The following PLPPR1 variants were observed in gnomAD, a reference collection of about 807,000 sequenced individuals.
PLPPR1 encodes phospholipid phosphatase-related protein type 1.
PLPPR1 carries 10 observed loss-of-function variants against 33.1 expected under a neutral mutation model. The ratio of observed to expected loss-of-function variants is 0.30; its 90% confidence interval spans 0.19 to 0.51. PLPPR1 has a LOEUF of 0.51. Ranked by LOEUF, PLPPR1 falls within the 20% of genes least tolerant of loss-of-function variation. The probability of loss-of-function intolerance (pLI) is 0.97; values close to 1 mark genes in which losing one functional copy is unlikely to be tolerated. For synonymous variants in PLPPR1, 151 were observed against 151.0 expected, an observed-to-expected ratio of 1.00 and a Z score of 0.00; for missense variants, 304 against 408.1, an observed-to-expected ratio of 0.74 and a Z score of 2.20.
chr9:101,213,231 A>G (rs1431645690), intron 2 of PLPPR1, among the ~76,000 whole-genome samples: 1 of 152,204 alleles, frequency 6.6e-6, no homozygotes, highest in Non-Finnish European at 1.5e-5. Flanking sequence ...ATAATAGTTT[A>G]GCCATTTTTA....
At chr9:101,213,932 T>G (rs1042740889) in intron 2 of PLPPR1, among the ~76,000 whole-genome samples, 1 of 152,226 alleles carries the variant, frequency 6.6e-6, no homozygotes, top group African/African-American at 2.4e-5. Context: ...AATGCAAACT[T>G]CTATGACTCC....
At chr9:101,278,506 G>A (rs150462364) in intron 3 of PLPPR1, among the ~76,000 whole-genome samples, 28 of 152,252 alleles carry the variant, frequency 1.8e-4, no homozygotes, top group African/African-American at 5.3e-4. Context: ...ATGGTAGAAA[G>A]GAGAATTTTA....
intron 2 of PLPPR1, among the ~76,000 whole-genome samples, chr9:101,256,465 A>G (rs1482707240): frequency 2.0e-5 from 3 of 152,016 alleles, no homozygotes; most frequent in Non-Finnish European, 2.9e-5. Flanking sequence ...TCCAAGCCAT[A>G]TTTTTCGAGG....
intron 4 of PLPPR1, among the ~76,000 whole-genome samples, chr9:101,293,487 C>A (rs1367541947): frequency 6.6e-6 from 1 of 152,102 alleles, no homozygotes; most frequent in Non-Finnish European, 1.5e-5. Flanking sequence ...CACCCCAAAT[C>A]AACAGAATAT....
rs901010377 is a variant in PLPPR1 at position 101,324,747 on chromosome 9, T to C, written c.*690T>C. 14 of 152,640 alleles carry C rather than the reference T, an allele frequency of 9.2e-5. No homozygotes were observed. Among genetic ancestry groups the C allele is most frequent in the African/African-American group, 3.1e-4 (13 of 41,442 alleles). 9.5% of individuals were successfully genotyped at this position (152,640 alleles called of 1,614,324 possible). On this transcript the variant is annotated 3_prime_UTR_variant, in exon 8 of 8. Transcript: ENST00000374874. The stretch of plus-strand genomic sequence containing the variant: ...TCTGGAATGTCTTCTGGCAGGCAGG[T>C]GCCACTGTCAGCTTTTCTCCAAAAA...
At chr9:101,118,621 A>G (rs1831142469) in intron 1 of PLPPR1, among the ~76,000 whole-genome samples, 1 of 152,158 alleles carries the variant, frequency 6.6e-6, no homozygotes, top group Admixed American at 6.5e-5. Context: ...TAGGGGAAAT[A>G]TTATGGAGCC....
intron 2 of PLPPR1, among the ~76,000 whole-genome samples, chr9:101,198,253 C>A (rs560267199): frequency 6.6e-6 from 1 of 152,192 alleles, no homozygotes; most frequent in African/African-American, 2.4e-5. Context: ...CATGAACCTA[C>A]CACCACTAAA....
chr9:101,248,274 A>G (rs907819744), intron 2 of PLPPR1, among the ~76,000 whole-genome samples: 1 of 152,124 alleles, frequency 6.6e-6, no homozygotes, highest in African/African-American at 2.4e-5. Context: ...CATGAACAAC[A>G]TTAACTGTGT....
At chr9:101,226,081 T>C (rs1168429694) in intron 2 of PLPPR1, among the ~76,000 whole-genome samples, 1 of 152,118 alleles carries the variant, frequency 6.6e-6, no homozygotes, top group African/African-American at 2.4e-5. Context: ...TTTTCATCAC[T>C]TTTCAATCTA....
chr9:101,097,427 C>G (rs1390509802), intron 1 of PLPPR1, among the ~76,000 whole-genome samples: 1 of 152,156 alleles, frequency 6.6e-6, no homozygotes, highest in Non-Finnish European at 1.5e-5. Flanking sequence ...TACAGGAGCA[C>G]ATGTAACATT....
At chr9:101,085,531 A>T (rs78451936) in intron 1 of PLPPR1, among the ~76,000 whole-genome samples, 1 of 152,198 alleles carries the variant, frequency 6.6e-6, no homozygotes, top group African/African-American at 2.4e-5. Context: ...ACATAGAGGC[A>T]TGAAGTCTTA....
chr9:101,209,386 G>A (rs1162252540), intron 2 of PLPPR1, among the ~76,000 whole-genome samples: 4 of 152,242 alleles, frequency 2.6e-5, no homozygotes, highest in African/African-American at 9.6e-5. Context: ...CAGCGTAGCT[G>A]TGTTATAGAC....
chr9:101,293,381 T>G (rs1230757408), intron 4 of PLPPR1, among the ~76,000 whole-genome samples: 1 of 151,648 alleles, frequency 6.6e-6, no homozygotes, highest in East Asian at 1.9e-4. Context: ...ACTGTCAACA[T>G]TAGACAGATC....
chr9:101,300,376 C>CAA (rs1316561745), intron 4 of PLPPR1, among the ~76,000 whole-genome samples: 4 of 152,108 alleles, frequency 2.6e-5, no homozygotes, highest in Non-Finnish European at 5.9e-5. Flanking sequence ...ACAGGGTCTC[C>CAA]CTATGTTGCC....
At chr9:101,167,214 T>TACACAC (rs745548060) in intron 1 of PLPPR1, among the ~76,000 whole-genome samples, 656 of 26,104 alleles carry the variant, frequency 0.025, 8 homozygotes, top group Non-Finnish European at 0.046. Flanking sequence ...CACACACACA[T>TACACAC]ACACACACAC....
chr9:101,056,491 T>C (rs1357550349), intron 1 of PLPPR1, among the ~76,000 whole-genome samples: 1 of 152,172 alleles, frequency 6.6e-6, no homozygotes, highest in African/African-American at 2.4e-5. Flanking sequence ...CTATCACAGA[T>C]TTATTATAGC....
chr9:101,207,584 C>T (rs1467654217), intron 2 of PLPPR1, among the ~76,000 whole-genome samples: 1 of 152,102 alleles, frequency 6.6e-6, no homozygotes, highest in Non-Finnish European at 1.5e-5. Context: ...TAAGTGTCTT[C>T]TCCTTAAGTC....
At chr9:101,090,743 AAACAAAC>A (rs1830731837) in intron 1 of PLPPR1, among the ~76,000 whole-genome samples, 1 of 151,854 alleles carries the variant, frequency 6.6e-6, no homozygotes, top group African/African-American at 2.4e-5. Flanking sequence ...ACAAACAAAC[AAACAAAC>A]AAACAGTAAT....
intron 4 of PLPPR1, among the ~76,000 whole-genome samples, chr9:101,297,840 T>C (rs1264686328): frequency 2.0e-5 from 3 of 152,204 alleles, no homozygotes; most frequent in African/African-American, 7.2e-5. Context: ...TACATTACAT[T>C]GTGTAGTAAC....
Sources: allele counts gnomAD v4.1 joint callset (sites outside exome capture counted in the v4.1 genomes callset), GRCh38; gene constraint gnomAD v4.1.1; transcripts MANE v1.5; gene names NCBI Gene and HGNC (gene_info 2026-07-23, HGNC 2026-07-21).